The following KCNQ5 variants were observed in gnomAD, a reference collection of about 807,000 sequenced individuals.
KCNQ5 encodes the protein potassium voltage-gated channel subfamily Q member 5.
KCNQ5 carries 30 observed loss-of-function variants against 98.2 expected under a neutral mutation model. The observed-to-expected ratio is 0.31, with a 90% CI of 0.23 to 0.41. KCNQ5 has a LOEUF of 0.41. KCNQ5 is among the 10% of genes least tolerant of loss of function. KCNQ5 has a pLI of 1.00. For synonymous variants in KCNQ5, 458 were observed against 449.4 expected, an observed-to-expected ratio of 1.02 and a Z score of -0.24; for missense variants, 835 against 1,182.5, an observed-to-expected ratio of 0.71 and a Z score of 4.31.
At chr6:72,970,685 A>G (rs574536648) in intron 1 of KCNQ5, among the ~76,000 whole-genome samples, 4 of 152,320 alleles carry the variant, frequency 2.6e-5, no homozygotes, top group Admixed American at 2.6e-4. Context: ...GCCCTCAGAA[A>G]TAATACCACA....
intron 1 of KCNQ5, among the ~76,000 whole-genome samples, chr6:72,655,946 G>A (rs1766170774): frequency 6.6e-6 from 1 of 152,050 alleles, no homozygotes; most frequent in Non-Finnish European, 1.5e-5. Flanking sequence ...TCTATATATG[G>A]GTCTTCCAAG....
At chr6:72,943,997 TTATCAGAGAAAG>T (rs1251714238) in intron 1 of KCNQ5, among the ~76,000 whole-genome samples, 1 of 152,192 alleles carries the variant, frequency 6.6e-6, no homozygotes, top group Non-Finnish European at 1.5e-5. Flanking sequence ...TTGCCTGAAT[TTATCAGAGAAAG>T]TATCAGAGCC....
At chr6:73,108,589 G>A (rs4708031) in intron 6 of KCNQ5, among the ~76,000 whole-genome samples, 143,046 of 152,210 alleles carry the variant, frequency 0.94, 67,282 homozygotes, top group South Asian at 0.98. Flanking sequence ...CACTTTGGGA[G>A]GCCGAGGCGG....
At chr6:72,726,247 G>C (rs1044878850) in intron 1 of KCNQ5, among the ~76,000 whole-genome samples, 1 of 138,010 alleles carries the variant, frequency 7.2e-6, no homozygotes, top group African/African-American at 2.7e-5. Flanking sequence ...GTCTGGCTCT[G>C]TCGCCCAGGC....
intron 1 of KCNQ5, among the ~76,000 whole-genome samples, chr6:72,918,028 C>CA (rs1209147567): frequency 6.6e-6 from 1 of 152,118 alleles, no homozygotes; most frequent in African/African-American, 2.4e-5. Flanking sequence ...TTGTAACAAC[C>CA]AAAAATGTCT....
intron 1 of KCNQ5, among the ~76,000 whole-genome samples, chr6:72,848,027 A>C (rs954228415): frequency 1.3e-5 from 2 of 151,410 alleles, no homozygotes; most frequent in Non-Finnish European, 2.9e-5. Context: ...AAAAAAAAAA[A>C]CTCCCAATGA....
chr6:73,153,700 A>G (rs1372486920), intron 10 of KCNQ5, among the ~76,000 whole-genome samples: 1 of 152,114 alleles, frequency 6.6e-6, no homozygotes, highest in African/African-American at 2.4e-5. Context: ...GAAAAAAAAA[A>G]GGTAAGCTAC....
chr6:72,627,768 T>A (rs568706999), intron 1 of KCNQ5, among the ~76,000 whole-genome samples: 1 of 152,200 alleles, frequency 6.6e-6, no homozygotes, highest in East Asian at 1.9e-4. Context: ...ACTGCACTGC[T>A]CCACCCTGTG....
intron 1 of KCNQ5, among the ~76,000 whole-genome samples, chr6:72,709,982 A>G (rs781482239): frequency 7.2e-5 from 11 of 152,204 alleles, no homozygotes; most frequent in Non-Finnish European, 1.6e-4. Context: ...AAGAAAAATA[A>G]AGCTATATAA....
At chr6:72,981,283 G>T (rs1406279217) in intron 1 of KCNQ5, among the ~76,000 whole-genome samples, 2 of 152,046 alleles carry the variant, frequency 1.3e-5, no homozygotes, top group Non-Finnish European at 2.9e-5. Context: ...GAATCCTTCT[G>T]GTCCTGGACT....
intron 1 of KCNQ5, among the ~76,000 whole-genome samples, chr6:72,788,698 G>T (rs1156892056): frequency 6.6e-6 from 1 of 152,122 alleles, no homozygotes; most frequent in Non-Finnish European, 1.5e-5. Flanking sequence ...TTGATGCCAT[G>T]GTACTAATAA....
rs983765041 is a variant in KCNQ5, at chr6:72,622,176, C to T, written c.-14C>T. On this transcript the variant is annotated 5_prime_UTR_variant, in exon 1 of 14. Coordinates refer to ENST00000370398, the MANE Select transcript of KCNQ5 (RefSeq NM_019842.4). The surrounding 1 kb of genome is among the most constrained non-coding windows in gnomAD (Gnocchi z 6.0). ...AGGCGCTGGCGGCCCCCTCGCGGTG[C>T]CCGTGGTGATGCCATGCCCCGCCAC... 23 of 1,220,328 alleles carry T rather than the reference C, an allele frequency of 1.9e-5. No homozygotes were observed. The South Asian group carries it at 4.1e-4, about 22-fold the overall frequency. The allele number at this position is 1,220,328 out of a possible 1,614,324, so 75.6% of individuals were successfully genotyped here. A position where few individuals can be genotyped will look rare whatever the true frequency, so the allele number is the denominator to read the frequency against.
intron 1 of KCNQ5, among the ~76,000 whole-genome samples, chr6:72,629,451 C>T (rs1245041367): frequency 6.6e-6 from 1 of 151,846 alleles, no homozygotes; most frequent in Non-Finnish European, 1.5e-5. Flanking sequence ...GACCATATTA[C>T]AATTAGAAAT....
intron 1 of KCNQ5, among the ~76,000 whole-genome samples, chr6:72,840,047 G>C (rs1032395639): frequency 6.6e-6 from 1 of 152,044 alleles, no homozygotes; most frequent in Admixed American, 6.6e-5. Flanking sequence ...TCTACTCTGT[G>C]TTTTTATGAG....
intron 2 of KCNQ5, among the ~76,000 whole-genome samples, chr6:73,021,469 G>T (rs1048294773): frequency 2.0e-5 from 3 of 152,204 alleles, no homozygotes; most frequent in African/African-American, 4.8e-5. Flanking sequence ...TTTGATGTTT[G>T]CTGGCTTATT....
At chr6:72,924,045 T>C (rs566107733) in intron 1 of KCNQ5, among the ~76,000 whole-genome samples, 18 of 152,354 alleles carry the variant, frequency 1.2e-4, no homozygotes, top group African/African-American at 3.4e-4. Context: ...TAATACTTTA[T>C]GGGTTACATG....
chr6:72,793,542 C>T (rs1261915921), intron 1 of KCNQ5, among the ~76,000 whole-genome samples: 2 of 152,060 alleles, frequency 1.3e-5, no homozygotes, highest in Non-Finnish European at 2.9e-5. Context: ...CTTATTTTTC[C>T]CCTTATATTA....
chr6:72,862,885 C>T (rs1477952273), intron 1 of KCNQ5, among the ~76,000 whole-genome samples: 1 of 152,150 alleles, frequency 6.6e-6, no homozygotes, highest in Non-Finnish European at 1.5e-5. Flanking sequence ...GCCTCATCAT[C>T]CCAAAGTGCA....
At chr6:72,805,169 A>G (rs1000162968) in intron 1 of KCNQ5, among the ~76,000 whole-genome samples, 1 of 152,096 alleles carries the variant, frequency 6.6e-6, no homozygotes, top group Non-Finnish European at 1.5e-5. Context: ...TTTTAACTTG[A>G]TGTGATCCCA....
Sources: gnomAD v4.1 joint callset for allele counts (sites outside exome capture counted in the v4.1 genomes callset) on GRCh38, gnomAD v4.1.1 for gene constraint, Gnocchi (gnomAD v3.1) non-coding constraint, MANE v1.5 for transcripts, NCBI Gene and HGNC (gene_info 2026-07-23, HGNC 2026-07-21) for gene names.